The following HS3ST4 variants were observed in gnomAD, a reference collection of about 807,000 sequenced individuals.
The protein encoded by HS3ST4 is heparan sulfate glucosamine 3-O-sulfotransferase 4.
HS3ST4 carries 17 observed loss-of-function variants against 29.2 expected under a neutral mutation model. The observed-to-expected ratio is 0.58, with a 90% confidence interval of 0.40 to 0.87. The LOEUF (loss-of-function observed/expected upper bound fraction) is 0.87. HS3ST4 is among the 40% of genes least tolerant of loss of function. HS3ST4 has a pLI of 0.00. For synonymous variants in HS3ST4, 314 were observed against 285.7 expected (o/e 1.10, Z -1.00); for missense variants, 627 against 634.5 (o/e 0.99, Z 0.13).
At chr16:25,861,220 T>C (rs1596594192) in intron 1 of HS3ST4, among the ~76,000 whole-genome samples, 1 of 152,100 alleles carries the variant, frequency 6.6e-6, no homozygotes, top group Non-Finnish European at 1.5e-5. Flanking sequence ...AGCAGTGAGG[T>C]CCTGGTGTCT....
chr16:25,825,151 T>C (rs1476716532), intron 1 of HS3ST4, among the ~76,000 whole-genome samples: 1 of 152,136 alleles, frequency 6.6e-6, no homozygotes, highest in Admixed American at 6.5e-5. Context: ...GAAGCCGAGA[T>C]TGCACTGATG....
At chr16:25,814,000 C>T (rs2141629791) in intron 1 of HS3ST4, among the ~76,000 whole-genome samples, 1 of 152,200 alleles carries the variant, frequency 6.6e-6, no homozygotes, top group East Asian at 1.9e-4. Context: ...GCAAATGAAG[C>T]CAGACCCAAA....
intron 1 of HS3ST4, among the ~76,000 whole-genome samples, chr16:25,720,384 G>T (rs1966484607): frequency 6.6e-6 from 1 of 152,114 alleles, no homozygotes; most frequent in African/African-American, 2.4e-5. Flanking sequence ...TGAACAGAAG[G>T]TATACATGAT....
intron 1 of HS3ST4, among the ~76,000 whole-genome samples, chr16:25,941,367 C>G (rs1300701490): frequency 2.0e-5 from 3 of 152,020 alleles, no homozygotes; most frequent in Admixed American, 2.0e-4. Flanking sequence ...TCATGTTGGT[C>G]AGGCTGGTCT....
At chr16:25,978,945 T>TTTTG (rs1221481633) in intron 1 of HS3ST4, among the ~76,000 whole-genome samples, 1 of 149,010 alleles carries the variant, frequency 6.7e-6, no homozygotes, top group African/African-American at 2.5e-5. Flanking sequence ...TCTTTTTGTT[T>TTTTG]TTTTTTTTTT....
chr16:25,992,015 C>T (rs1172995794), intron 1 of HS3ST4, among the ~76,000 whole-genome samples: 2 of 149,710 alleles, frequency 1.3e-5, no homozygotes, highest in Admixed American at 6.8e-5. Context: ...AGCGAGACTC[C>T]GTCTCAAAAA....
At chr16:25,778,888 C>T (rs77653687) in intron 1 of HS3ST4, among the ~76,000 whole-genome samples, 134 of 152,270 alleles carry the variant, frequency 8.8e-4, no homozygotes, top group African/African-American at 3.1e-3. Context: ...TTGGACTCAA[C>T]GATTGCAAAT....
intron 1 of HS3ST4, among the ~76,000 whole-genome samples, chr16:25,882,165 C>T (rs987148300): frequency 5.3e-5 from 8 of 152,144 alleles, no homozygotes; most frequent in Non-Finnish European, 1.0e-4. Flanking sequence ...TCATGTGCTA[C>T]AGAGTCCAGA....
At chr16:26,091,895 G>A (rs1452956680) in intron 1 of HS3ST4, among the ~76,000 whole-genome samples, 3 of 152,150 alleles carry the variant, frequency 2.0e-5, no homozygotes, top group African/African-American at 4.8e-5. Flanking sequence ...ACTGAGGTCT[G>A]CTATTAGTGT....
intron 1 of HS3ST4, among the ~76,000 whole-genome samples, chr16:25,979,271 CA>C (rs1968978097): frequency 6.6e-6 from 1 of 152,160 alleles, no homozygotes; most frequent in Admixed American, 6.5e-5. Context: ...TATTCTATAA[CA>C]GGGGTCTCCA....
intron 1 of HS3ST4, among the ~76,000 whole-genome samples, chr16:25,955,246 T>C (rs1052287735): frequency 6.6e-6 from 1 of 152,178 alleles, no homozygotes. Context: ...AAAGAGAGGC[T>C]AGTTGGCAAT....
At chr16:26,117,944 A>G (rs1899221118) in intron 1 of HS3ST4, among the ~76,000 whole-genome samples, 2 of 152,228 alleles carry the variant, frequency 1.3e-5, no homozygotes, top group South Asian at 2.1e-4. Flanking sequence ...CAACCAGTAA[A>G]TTAGTTAATT....
At chr16:26,026,756 A>G (rs538172615) in intron 1 of HS3ST4, among the ~76,000 whole-genome samples, 1 of 152,316 alleles carries the variant, frequency 6.6e-6, no homozygotes, top group East Asian at 1.9e-4. Flanking sequence ...TGGGGTCGTC[A>G]TAATTGTTTT....
chr16:25,796,735 A>C (rs1596573659), intron 1 of HS3ST4, among the ~76,000 whole-genome samples: 1 of 152,216 alleles, frequency 6.6e-6, no homozygotes. Flanking sequence ...GCACTAGCCC[A>C]TAGGCAGTGC....
At chr16:25,858,476 C>G (rs1967606168) in intron 1 of HS3ST4, among the ~76,000 whole-genome samples, 1 of 152,084 alleles carries the variant, frequency 6.6e-6, no homozygotes, top group Non-Finnish European at 1.5e-5. Context: ...CTTAATTTTT[C>G]TTTTACAAAT....
chr16:25,732,787 T>C (rs1222524517), intron 1 of HS3ST4, among the ~76,000 whole-genome samples: 1 of 152,184 alleles, frequency 6.6e-6, no homozygotes, highest in Non-Finnish European at 1.5e-5. Flanking sequence ...TCATTGTCGG[T>C]TTCTTTCTCC....
intron 1 of HS3ST4, among the ~76,000 whole-genome samples, chr16:25,866,211 G>A (rs1967693122): frequency 6.6e-6 from 1 of 152,158 alleles, no homozygotes; most frequent in Admixed American, 6.5e-5. Flanking sequence ...CTACAATTCA[G>A]CCTATAATAG....
At chr16:25,916,692 T>TTTC (rs927920481) in intron 1 of HS3ST4, among the ~76,000 whole-genome samples, 6 of 147,244 alleles carry the variant, frequency 4.1e-5, no homozygotes, top group African/African-American at 1.5e-4. Flanking sequence ...TTTTTTTTTT[T>TTTC]TTTTTGAGAC....
rs1968894235 is a variant in HS3ST4 at position 25,971,265 on chromosome 16, A to G, written c.735-164347A>G. On this transcript the variant is annotated intron_variant, in intron 1 of 1. Transcript: ENST00000331351. The stretch of plus-strand genomic sequence containing the variant: ...TACATTCTTTTGAGCCATAAAGAAA[A>G]CAGTCACCTGCAACATAACTTGATA... Among the ~76,000 whole-genome samples the G allele has an allele frequency of 2.6e-5, 4 of 152,194 alleles. No individual in the cohort carries two copies. In the South Asian group the frequency reaches 6.2e-4, roughly 24 times the overall value.
Sources: allele counts gnomAD v4.1 joint callset (sites outside exome capture counted in the v4.1 genomes callset), GRCh38; gene constraint gnomAD v4.1.1; transcripts MANE v1.5; gene names NCBI Gene and HGNC (gene_info 2026-07-23, HGNC 2026-07-21).